Variants in ITGB8 observed in about 807,000 individuals in gnomAD.
ITGB8 encodes the protein integrin beta-8.
Under a neutral mutation model 89.5 loss-of-function variants are expected in ITGB8, and 30 were observed. That is an observed-to-expected ratio of 0.34 (90% CI 0.25 to 0.45). The LOEUF is 0.45. Ranked by LOEUF, ITGB8 falls within the 20% of genes least tolerant of loss-of-function variation. The pLI, the probability that ITGB8 is intolerant of heterozygous loss-of-function variation, is 1.00. For synonymous variants in ITGB8, 335 were observed against 320.4 expected (o/e 1.05, Z -0.49); for missense variants, 836 against 933.3 (o/e 0.90, Z 1.36).
At position 20,414,337 on chromosome 7, in the gene ITGB8, T is replaced by TC. The variant is rs1787863679; in HGVS notation, c.*4344dup. ...TTGAGTTTACAAAAGCTCTTTCAGG[T>TC]CCCCATTTATACTTTACGTGAGTGC... On this transcript the variant is annotated 3_prime_UTR_variant, in exon 14 of 14. Transcript: ENST00000222573. 6.6e-6 allele frequency: 1 copy of TC among 152,122 alleles called. No homozygotes were observed. Among genetic ancestry groups the TC allele is most frequent in the African/African-American group, 2.4e-5 (1 of 41,434 alleles). The allele number at this position is 152,122 out of a possible 1,614,324, so 9.4% of individuals were successfully genotyped here.
intron 6 of ITGB8, among the ~76,000 whole-genome samples, chr7:20,382,270 C>A (rs1786430077): frequency 6.6e-6 from 1 of 152,030 alleles, no homozygotes; most frequent in African/African-American, 2.4e-5. Context: ...GGAAACCTCA[C>A]AGTACAATAG....
chr7:20,387,912 T>TA (rs35607730), intron 6 of ITGB8, among the ~76,000 whole-genome samples: 2 of 152,204 alleles, frequency 1.3e-5, no homozygotes, highest in Admixed American at 1.3e-4. Context: ...CTCTTTCCTC[T>TA]AAAAAATCAC....
chr7:20,332,493 T>TA (rs59402581), intron 1 of ITGB8, among the ~76,000 whole-genome samples: 57 of 150,422 alleles, frequency 3.8e-4, no homozygotes, highest in East Asian at 2.7e-3. Flanking sequence ...CCTTTCGGCT[T>TA]AAAAAAAAAA....
chr7:20,331,000 C>G lies in ITGB8; in HGVS notation c.-807C>G, dbSNP rs1472411974. 4 of 152,572 alleles carry G rather than the reference C, an allele frequency of 2.6e-5. No homozygotes were observed. The East Asian group carries it at 5.8e-4, about 22-fold the overall frequency. 9.5% of individuals were successfully genotyped at this position (152,572 alleles called of 1,614,324 possible). ...GCAGCCCCCGCCCCGCGAAGCCGGG[C>G]TCCGGCACCTCGCGGAACCTCCCCT... On this transcript the variant is annotated 5_prime_UTR_variant, in exon 1 of 14. Coordinates refer to ENST00000222573, the MANE Select transcript of ITGB8 (RefSeq NM_002214.3).
intron 3 of ITGB8, among the ~76,000 whole-genome samples, chr7:20,367,731 A>G (rs1010857529): frequency 4.4e-4 from 67 of 152,186 alleles, no homozygotes; most frequent in Admixed American, 2.7e-3. Flanking sequence ...TATCATAATT[A>G]CTTTGGGCAG....
At chr7:20,376,337 T>A (rs924694962) in intron 3 of ITGB8, among the ~76,000 whole-genome samples, 1 of 152,188 alleles carries the variant, frequency 6.6e-6, no homozygotes, top group African/African-American at 2.4e-5. Context: ...AGGGTCACTC[T>A]AAGCCCATGT....
chr7:20,332,086 A>T (rs1784421904), intron 1 of ITGB8, 153 bp downstream of exon 1: 2 of 1,417,182 alleles, frequency 1.4e-6, no homozygotes, highest in Admixed American at 2.7e-5. Flanking sequence ...TCCAGCACAG[A>T]TGGCCTAGAG....
chr7:20,340,484 G>A (rs1334490660), intron 1 of ITGB8, among the ~76,000 whole-genome samples: 2 of 152,188 alleles, frequency 1.3e-5, no homozygotes, highest in Admixed American at 6.5e-5. Flanking sequence ...TGAGATGTGT[G>A]GTGGATTTGG....
rs1201691454 is a variant in ITGB8, at chr7:20,415,083, AT to A, written c.*5090del. ...ACATTTTCCTACAGATAAATGTGAA[AT>A]TTTGATAAGAAGTCTACGCAATGAC... On this transcript the variant is annotated 3_prime_UTR_variant, in exon 14 of 14. Coordinates refer to ENST00000222573, the MANE Select transcript of ITGB8 (RefSeq NM_002214.3). The A allele has an allele frequency of 6.6e-6, 1 of 152,592 alleles. No individual in the cohort carries two copies. The highest frequency in any genetic ancestry group is 2.4e-5 in the African/African-American group (1 of 41,466). The allele number at this position is 152,592 out of a possible 1,614,324, so 9.5% of individuals were successfully genotyped here.
chr7:20,353,209 CTTGT>C (rs1192481511), intron 1 of ITGB8: 4 of 152,208 alleles, frequency 2.6e-5, no homozygotes, highest in Admixed American at 2.0e-4. Context: ...GTTGAACATG[CTTGT>C]TTGTTTTTCT....
At chr7:20,368,838 C>T (rs1314032316) in intron 3 of ITGB8, among the ~76,000 whole-genome samples, 1 of 152,000 alleles carries the variant, frequency 6.6e-6, no homozygotes, top group East Asian at 1.9e-4. Flanking sequence ...TTTGTAATCC[C>T]AGTTTTTCTG....
At chr7:20,340,989 C>T (rs1268033292) in intron 1 of ITGB8, among the ~76,000 whole-genome samples, 1 of 152,140 alleles carries the variant, frequency 6.6e-6, no homozygotes, top group Non-Finnish European at 1.5e-5. Context: ...TAGGCTTAGT[C>T]ATGCAAGGTA....
At chr7:20,396,213 T>G (rs545194982) in intron 8 of ITGB8, among the ~76,000 whole-genome samples, 1 of 151,918 alleles carries the variant, frequency 6.6e-6, no homozygotes, top group South Asian at 2.1e-4. Flanking sequence ...CCGAGGCAGG[T>G]GGATCACGAG....
chr7:20,407,980 T>G (rs1048085548), intron 12 of ITGB8, among the ~76,000 whole-genome samples: 2 of 152,202 alleles, frequency 1.3e-5, no homozygotes, highest in Admixed American at 1.3e-4. Flanking sequence ...ACAACTATTG[T>G]GCAAGGAGAG....
At chr7:20,369,463 G>C (rs1785841864) in intron 3 of ITGB8, among the ~76,000 whole-genome samples, 1 of 152,126 alleles carries the variant, frequency 6.6e-6, no homozygotes, top group Non-Finnish European at 1.5e-5. Context: ...GCAAAAGAGT[G>C]AGAGAGTGAA....
Position 20,404,685 on chromosome 7 carries a change from G to T in ITGB8, c.1745G>T (p.Arg582Leu), listed in dbSNP as rs574358525. ...TGCTTCAGTGGCTGGGAAGGTGATC[G>T]ATGCCAGTGCCCTTCAGCAGCAGCC... ...CQCFSGWEGD[R>L]CQCPSAAAQH... Residue 582 changes from arginine to leucine, a missense_variant, in exon 11 of 14, where the codon CGA (arginine) becomes CTA (leucine). Physicochemically the swap from Arg to Leu is moderately radical, Grantham distance 102. Around this residue, in one of 5 missense-constraint regions of ITGB8, gnomAD observed 422 missense variants for 416.9 expected, o/e 1.01. Transcript: ENST00000222573. 1.2e-6 allele frequency: 2 copies of T among 1,613,948 alleles called. No homozygotes were observed. The highest frequency in any genetic ancestry group is 1.7e-6 in the Non-Finnish European group (2 of 1,180,008).
Position 20,409,612 on chromosome 7 carries a change from C to T in ITGB8, c.2024-3C>T. The stretch of plus-strand genomic sequence containing the variant: ...ATCCATTTATTTGTTTGCTTCATTA[C>T]AGAATGTTTCTCCAGCCCAAGCTAC... On this transcript the variant is annotated splice_polypyrimidine_tract_variant and splice_region_variant and intron_variant, in intron 12 of 13. Coordinates refer to ENST00000222573, the MANE Select transcript of ITGB8 (RefSeq NM_002214.3). 6.3e-7 allele frequency: 1 copy of T among 1,591,334 alleles called. No homozygotes were observed. Among genetic ancestry groups the T allele is most frequent in the Non-Finnish European group, 8.5e-7 (1 of 1,170,120 alleles).
In ITGB8 at chr7:20,401,908, A is replaced by G. The variant is rs764967496; in HGVS notation, c.1469A>G (p.Lys490Arg). ...KCVDETFLDS[K>R]CFQCDENKCH... ...GTAGATGAAACTTTTCTAGATTCCA[A>G]GTGTTTCCAGTGTGATGAGAATAAA... The change falls in exon 10 of 14, where the codon AAG becomes AGG. Residue 490 changes from lysine to arginine, a missense_variant. By Grantham distance (26) the Lys-to-Arg change is conservative. Around this residue, in one of 5 missense-constraint regions of ITGB8, gnomAD observed 422 missense variants for 416.9 expected, o/e 1.01. Coordinates refer to ENST00000222573, the MANE Select transcript of ITGB8 (RefSeq NM_002214.3). 7 of 1,613,540 alleles carry G rather than the reference A, an allele frequency of 4.3e-6. No individual in the cohort carries two copies. Among genetic ancestry groups the G allele is most frequent in the Non-Finnish European group, 4.2e-6 (5 of 1,179,832 alleles).
In ITGB8 at chr7:20,346,589, T is replaced by C. The variant is rs1784931765; in HGVS notation, c.127+14656T>C. ...GGAGGTTCTGAGACTTGCTCTTAAT[T>C]CTTAGGGAAGGAAGAGACAAGGTCT... On this transcript the variant is annotated intron_variant, in intron 1 of 13. Transcript: ENST00000222573. The C allele has an allele frequency of 9.3e-6, 4 of 432,342 alleles. No individual in the cohort carries two copies. The South Asian group carries it at 3.8e-4, about 41-fold the overall frequency. The allele number at this position is 432,342 out of a possible 1,614,324, so 26.8% of individuals were successfully genotyped here. A position where few individuals can be genotyped will look rare whatever the true frequency, so the allele number is the denominator to read the frequency against.
Sources: allele counts gnomAD v4.1 joint callset (sites outside exome capture counted in the v4.1 genomes callset), GRCh38; gene constraint gnomAD v4.1.1; regional missense constraint gnomAD v4.1.1; transcripts MANE v1.5; gene names NCBI Gene and HGNC (gene_info 2026-07-23, HGNC 2026-07-21).